Variants in TMTC2 observed in about 807,000 individuals in gnomAD.
The protein encoded by TMTC2 is transmembrane O-mannosyltransferase targeting cadherins 2.
A neutral mutation model predicts 82.4 loss-of-function variants in TMTC2; 43 were observed. That is an observed-to-expected ratio of 0.52 (90% CI 0.41 to 0.67). TMTC2 has a LOEUF of 0.67. Among genes scored for constraint, TMTC2 ranks in the 30% least tolerant of loss-of-function variants. The pLI, the probability that TMTC2 is intolerant of heterozygous loss-of-function variation, is 0.00. For missense variants in TMTC2, 919 were observed against 1,012.4 expected (o/e 0.91, Z 1.25); for synonymous variants, 408 against 381.9 (o/e 1.07, Z -0.80).
intron 4 of TMTC2, among the ~76,000 whole-genome samples, chr12:82,951,613 G>C (rs186694794): frequency 2.0e-4 from 31 of 152,160 alleles, no homozygotes; most frequent in Non-Finnish European, 3.2e-4. Flanking sequence ...GAGCCACTGC[G>C]CCCAGCTGGA....
At chr12:82,815,301 A>G (rs1343993423) in intron 1 of TMTC2, among the ~76,000 whole-genome samples, 1 of 146,788 alleles carries the variant, frequency 6.8e-6, no homozygotes, top group Non-Finnish European at 1.5e-5. Flanking sequence ...TTTTTAATTA[A>G]TTAATTAATT....
At chr12:82,850,925 G>C (rs753782965) in intron 1 of TMTC2, among the ~76,000 whole-genome samples, 1 of 151,932 alleles carries the variant, frequency 6.6e-6, no homozygotes, top group Non-Finnish European at 1.5e-5. Flanking sequence ...TTAGCTGGGC[G>C]TGGTGGCGTG....
intron 11 of TMTC2, among the ~76,000 whole-genome samples, chr12:83,064,388 G>C (rs989685700): frequency 6.6e-6 from 1 of 151,842 alleles, no homozygotes; most frequent in Non-Finnish European, 1.5e-5. Flanking sequence ...ACTCCAGACT[G>C]CCTTTGAAAA....
At chr12:82,949,860 C>G (rs1049419382) in intron 4 of TMTC2, among the ~76,000 whole-genome samples, 2 of 152,126 alleles carry the variant, frequency 1.3e-5, no homozygotes, top group Admixed American at 1.3e-4. Context: ...ACAAGAGTAA[C>G]TCAAGGAAAC....
At chr12:82,776,689 G>A (rs1450353377) in intron 1 of TMTC2, among the ~76,000 whole-genome samples, 1 of 151,824 alleles carries the variant, frequency 6.6e-6, no homozygotes, top group Non-Finnish European at 1.5e-5. Flanking sequence ...GGAGGCTGAG[G>A]TGGGAGAATT....
chr12:83,047,473 T>C (rs752666169), intron 9 of TMTC2, among the ~76,000 whole-genome samples: 1 of 152,230 alleles, frequency 6.6e-6, no homozygotes, highest in Non-Finnish European at 1.5e-5. Flanking sequence ...GTTTGAAATA[T>C]TCAAATTCAG....
At chr12:82,825,606 T>G (rs1189960641) in intron 1 of TMTC2, among the ~76,000 whole-genome samples, 1 of 152,166 alleles carries the variant, frequency 6.6e-6, no homozygotes, top group Non-Finnish European at 1.5e-5. Context: ...CACAATGTGG[T>G]AGGGTGATGG....
At chr12:83,073,677 T>G (rs1883190942) in intron 11 of TMTC2, among the ~76,000 whole-genome samples, 2 of 152,100 alleles carry the variant, frequency 1.3e-5, no homozygotes, top group South Asian at 2.1e-4. Flanking sequence ...TCATATATTT[T>G]TATTCCTTTT....
intron 1 of TMTC2, among the ~76,000 whole-genome samples, chr12:82,729,543 T>C (rs1269193550): frequency 6.6e-6 from 1 of 152,184 alleles, no homozygotes; most frequent in Non-Finnish European, 1.5e-5. Context: ...GTGGACACTG[T>C]GTATCTAGCT....
chr12:82,782,096 A>C (rs938946784), intron 1 of TMTC2, among the ~76,000 whole-genome samples: 1 of 152,130 alleles, frequency 6.6e-6, no homozygotes, highest in African/African-American at 2.4e-5. Context: ...TAAATAAATA[A>C]ACAATGAAGG....
intron 8 of TMTC2, among the ~76,000 whole-genome samples, chr12:83,015,158 A>T (rs1360501984): frequency 2.0e-5 from 3 of 152,228 alleles, no homozygotes; most frequent in African/African-American, 7.2e-5. Flanking sequence ...AGTATCATAG[A>T]TAATCCCTCA....
rs1402260448 is a variant in TMTC2, at chr12:82,687,430, G to A, written c.-157G>A. On this transcript the variant is annotated 5_prime_UTR_variant, in exon 1 of 12. It adds an upstream start codon to the 5' untranslated region. Transcript: ENST00000321196. ...GGGCGCGAGGAGGAGGAGAGGAGTC[G>A]TGGATTGGAAGGACCCGAGGGAGGG... The A allele has an allele frequency of 2.9e-6, 2 of 678,850 alleles. No homozygotes were observed. The highest frequency in any genetic ancestry group is 1.8e-5 in the South Asian group (1 of 56,250). The allele number at this position is 678,850 out of a possible 1,614,324, so 42.1% of individuals were successfully genotyped here. A position where few individuals can be genotyped will look rare whatever the true frequency, so the allele number is the denominator to read the frequency against.
chr12:82,894,861 GCAATCT>G (rs1216354186), intron 2 of TMTC2, among the ~76,000 whole-genome samples: 1 of 151,902 alleles, frequency 6.6e-6, no homozygotes, highest in East Asian at 1.9e-4. Context: ...GTGCAGTGGT[GCAATCT>G]CAGCTCACTG....
chr12:83,115,635 CT>C lies in TMTC2; in HGVS notation c.2332-16567del, dbSNP rs1229081143. 3.5e-5 allele frequency among the ~76,000 whole-genome samples: 4 copies of C among 115,246 alleles called. No homozygotes were observed. The East Asian group carries it at 1.1e-3, about 31-fold the overall frequency. The allele number at this position is 115,246 out of a possible 152,430, so 75.6% of individuals were successfully genotyped here. On this transcript the variant is annotated intron_variant, in intron 11 of 11. Coordinates refer to ENST00000321196, the MANE Select transcript of TMTC2 (RefSeq NM_152588.3). ...CAGGTGGCCTCGGATCTAGGTTTTC[CT>C]TTTTTTTATTATTTTTTTTTTTATT... is the stretch of plus-strand genomic sequence containing the variant.
intron 11 of TMTC2, among the ~76,000 whole-genome samples, chr12:83,084,518 GATA>G (rs778654595): frequency 5.9e-5 from 9 of 152,080 alleles, no homozygotes; most frequent in African/African-American, 1.4e-4. Flanking sequence ...TTTAAAAAAA[GATA>G]ATAATGATGA....
At chr12:83,016,762 G>C (rs1344044194) in intron 8 of TMTC2, among the ~76,000 whole-genome samples, 1 of 152,208 alleles carries the variant, frequency 6.6e-6, no homozygotes, top group African/African-American at 2.4e-5. Context: ...AAGCCAGATA[G>C]TTTCTGTGTG....
chr12:83,115,454 T>A (rs990415089), intron 11 of TMTC2, among the ~76,000 whole-genome samples: 16 of 152,170 alleles, frequency 1.1e-4, no homozygotes, highest in Non-Finnish European at 4.4e-5. Flanking sequence ...AAATTCTACT[T>A]ATTTTTATCC....
chr12:82,818,022 T>C (rs1333152489), intron 1 of TMTC2, among the ~76,000 whole-genome samples: 1 of 152,164 alleles, frequency 6.6e-6, no homozygotes, highest in Non-Finnish European at 1.5e-5. Flanking sequence ...GCTACAGCTA[T>C]GATTTTAAGA....
intron 2 of TMTC2, among the ~76,000 whole-genome samples, chr12:82,893,154 G>A (rs566369923): frequency 1.3e-5 from 2 of 151,986 alleles, no homozygotes; most frequent in African/African-American, 4.8e-5. Context: ...GGTGGATCAC[G>A]AGGTCAAGAG....
Sources: allele counts gnomAD v4.1 joint callset (sites outside exome capture counted in the v4.1 genomes callset), GRCh38; gene constraint gnomAD v4.1.1; transcripts MANE v1.5; gene names NCBI Gene and HGNC (gene_info 2026-07-23, HGNC 2026-07-21).